Variants in DOCK4 observed in about 807,000 individuals in gnomAD.
DOCK4 encodes the protein dedicator of cytokinesis 4.
A neutral mutation model predicts 268.1 loss-of-function variants in DOCK4; 97 were observed. That is an observed-to-expected ratio of 0.36 (90% confidence interval 0.31 to 0.43). The LOEUF is 0.43. Ranked by LOEUF, DOCK4 falls within the 20% of genes least tolerant of loss-of-function variation. DOCK4 has a pLI of 1.00. For missense variants in DOCK4, 2,145 were observed against 2,455.7 expected (o/e 0.87, Z 2.67); for synonymous variants, 954 against 887.2 (o/e 1.08, Z -1.34).
rs74347025 is a variant in DOCK4 at position 112,011,646 on chromosome 7, G to A, written c.38-7515C>T. On this transcript the variant is annotated intron_variant, in intron 1 of 52. Transcript: ENST00000428084. ...TGTCACGGTGGCAATAAATGAACCC[G>A]TTTTATTCTCCAAAGGGTCATAAAC... Among the ~76,000 whole-genome samples, 413 of 146,068 alleles carry A rather than the reference G, an allele frequency of 2.8e-3. 2 individuals are homozygous for A. Among genetic ancestry groups the A allele is most frequent in the African/African-American group, 0.01 (397 of 39,044 alleles).
At chr7:111,838,804 A>T (rs1416635760) in intron 25 of DOCK4, among the ~76,000 whole-genome samples, 2 of 152,196 alleles carry the variant, frequency 1.3e-5, no homozygotes, top group Non-Finnish European at 2.9e-5. Context: ...GTGATGTTTC[A>T]TAGGAATACA....
At chr7:111,755,460 C>T in intron 42 of DOCK4, 55 bp downstream of exon 42, 1 of 1,550,854 alleles carries the variant, frequency 6.4e-7, no homozygotes, top group South Asian at 1.1e-5. Flanking sequence ...TACGGCACAA[C>T]TCCAAGTGAA....
intron 32 of DOCK4, among the ~76,000 whole-genome samples, chr7:111,784,798 A>G (rs1001234151): frequency 6.6e-6 from 1 of 152,222 alleles, no homozygotes; most frequent in Non-Finnish European, 1.5e-5. Flanking sequence ...AGATAAAAGC[A>G]AGAACATTAA....
chr7:112,142,571 A>T (rs1042151735), intron 1 of DOCK4, among the ~76,000 whole-genome samples: 2 of 152,172 alleles, frequency 1.3e-5, no homozygotes, highest in African/African-American at 2.4e-5. Context: ...CTATTTTTTA[A>T]ATTAAACATT....
intron 1 of DOCK4, among the ~76,000 whole-genome samples, chr7:112,056,237 A>C (rs1194916177): frequency 1.3e-5 from 2 of 152,206 alleles, no homozygotes; most frequent in Non-Finnish European, 2.9e-5. Context: ...AAAAGGGGTT[A>C]TGTGGCTTTA....
At chr7:112,079,992 G>A (rs1015584201) in intron 1 of DOCK4, among the ~76,000 whole-genome samples, 38 of 152,140 alleles carry the variant, frequency 2.5e-4, no homozygotes, top group African/African-American at 8.2e-4. Context: ...TAATATAGCT[G>A]AAGTTATTTC....
chr7:112,001,461 A>G (rs1322198904), intron 2 of DOCK4, among the ~76,000 whole-genome samples: 4 of 152,152 alleles, frequency 2.6e-5, no homozygotes, highest in African/African-American at 9.7e-5. Context: ...ATTGAGGATC[A>G]CAGTTTTAAA....
intron 30 of DOCK4, among the ~76,000 whole-genome samples, chr7:111,806,315 T>C (rs1434947874): frequency 6.6e-6 from 1 of 152,196 alleles, no homozygotes; most frequent in Non-Finnish European, 1.5e-5. Flanking sequence ...AATACTTAAT[T>C]ATTCTTCTCC....
rs534374477 is a variant in DOCK4, at chr7:111,923,879, G to C, written c.1067-7975C>G. On this transcript the variant is annotated intron_variant, in intron 12 of 52. Transcript: ENST00000428084. ...ACTAATTCGTTTTCCAACTATGCTC[G>C]TTTGCTATTTAAGTAGTCCACTGAT... Among the ~76,000 whole-genome samples the C allele has an allele frequency of 2.5e-4, 38 of 152,186 alleles. No homozygotes were observed. In the South Asian group the frequency reaches 6.6e-3, roughly 27 times the overall value.
intron 16 of DOCK4, among the ~76,000 whole-genome samples, chr7:111,882,658 G>C (rs1384269946): frequency 6.6e-6 from 1 of 152,078 alleles, no homozygotes; most frequent in Non-Finnish European, 1.5e-5. Flanking sequence ...TGTCACCCAG[G>C]CTGGAGTGCA....
intron 8 of DOCK4, among the ~76,000 whole-genome samples, chr7:111,948,697 C>G (rs779506780): frequency 6.6e-6 from 1 of 151,424 alleles, no homozygotes; most frequent in Non-Finnish European, 1.5e-5. Context: ...CGGATTCAGG[C>G]GATTCTCCTG....
intron 1 of DOCK4, among the ~76,000 whole-genome samples, chr7:112,151,158 G>T (rs980587519): frequency 2.0e-5 from 3 of 151,680 alleles, no homozygotes; most frequent in African/African-American, 4.8e-5. Flanking sequence ...GTTTTACAAG[G>T]AGAAGGATTT....
At chr7:112,114,942 T>G (rs1320598447) in intron 1 of DOCK4, among the ~76,000 whole-genome samples, 1 of 152,152 alleles carries the variant, frequency 6.6e-6, no homozygotes, top group Non-Finnish European at 1.5e-5. Flanking sequence ...CAGAAGGGTC[T>G]CAGGGACCCC....
intron 1 of DOCK4, among the ~76,000 whole-genome samples, chr7:112,020,453 C>T (rs974502491): frequency 2.6e-5 from 4 of 152,020 alleles, no homozygotes; most frequent in African/African-American, 9.7e-5. Flanking sequence ...ACACTTAATG[C>T]CCTTCATGCA....
At chr7:111,887,551 T>C (rs1807946212) in intron 16 of DOCK4, among the ~76,000 whole-genome samples, 1 of 152,112 alleles carries the variant, frequency 6.6e-6, no homozygotes, top group Admixed American at 6.5e-5. Context: ...TTAATAGTGC[T>C]CTATGCTATA....
At chr7:112,075,590 A>G (rs1173858457) in intron 1 of DOCK4, among the ~76,000 whole-genome samples, 1 of 152,170 alleles carries the variant, frequency 6.6e-6, no homozygotes, top group Non-Finnish European at 1.5e-5. Context: ...TTTGGGCCAT[A>G]CTCATTGGCA....
At chr7:111,934,536 T>G (rs1315148528) in intron 12 of DOCK4, among the ~76,000 whole-genome samples, 1 of 142,820 alleles carries the variant, frequency 7.0e-6, no homozygotes, top group African/African-American at 2.7e-5. Context: ...TTTTTTTTTT[T>G]TTTTTTTTTT....
intron 1 of DOCK4, among the ~76,000 whole-genome samples, chr7:112,129,937 A>T (rs1813646276): frequency 6.6e-6 from 1 of 152,198 alleles, no homozygotes; most frequent in Non-Finnish European, 1.5e-5. Flanking sequence ...AAATGCATTA[A>T]CATATCCATA....
At chr7:112,190,452 A>G (rs1201878220) in intron 1 of DOCK4, among the ~76,000 whole-genome samples, 22 of 152,142 alleles carry the variant, frequency 1.4e-4, no homozygotes, top group Admixed American at 1.3e-3. Context: ...CCAGGTAAAG[A>G]AGCAGGAGGT....
Sources: allele counts gnomAD v4.1 joint callset (sites outside exome capture counted in the v4.1 genomes callset), GRCh38; gene constraint gnomAD v4.1.1; transcripts MANE v1.5; gene names NCBI Gene and HGNC (gene_info 2026-07-23, HGNC 2026-07-21).